ZNF442: variants seen among roughly 807,000 people sequenced by gnomAD.
ZNF442 encodes zinc finger protein 442.
A neutral mutation model predicts 57.0 loss-of-function variants in ZNF442; 45 were observed. The observed-to-expected ratio is 0.79, with a 90% CI of 0.62 to 1.01. ZNF442 has a LOEUF of 1.01. ZNF442 is among the 50% of genes least tolerant of loss of function. The pLI, the probability that ZNF442 is intolerant of heterozygous loss-of-function variation, is 0.00. For missense variants in ZNF442, 690 were observed against 756.5 expected, an observed-to-expected ratio of 0.91 and a Z score of 1.03; for synonymous variants, 213 against 241.8, an observed-to-expected ratio of 0.88 and a Z score of 1.10.
the ZNF442 span, among the ~76,000 whole-genome samples, chr19:12,372,986 A>C: frequency 0.15 from 22,670 of 152,094 alleles, 2,007 homozygotes; most frequent in East Asian, 0.25. Context: ...GTTGGCCAGG[A>C]TGGTCTTGAT....
At chr19:12,362,493 C>G (rs1258314569) in intron 3 of ZNF442, among the ~76,000 whole-genome samples, 3 of 151,470 alleles carry the variant, frequency 2.0e-5, no homozygotes, top group African/African-American at 7.3e-5. Flanking sequence ...GCAGCCGCCC[C>G]GTCTGGGAAG....
intron 3 of ZNF442, among the ~76,000 whole-genome samples, chr19:12,354,453 T>C (rs897693068): frequency 7.2e-5 from 11 of 152,214 alleles, no homozygotes; most frequent in African/African-American, 2.7e-4. Flanking sequence ...AAATCAGAAC[T>C]TTAGTAGTCA....
intron 3 of ZNF442, among the ~76,000 whole-genome samples, chr19:12,356,077 A>C (rs564563425): frequency 9.2e-5 from 14 of 151,790 alleles, no homozygotes; most frequent in African/African-American, 3.4e-4. Context: ...TATTAAAATT[A>C]GGCATAGTGG....
At chr19:12,359,055 G>A (rs1969381053) in intron 3 of ZNF442, among the ~76,000 whole-genome samples, 1 of 152,168 alleles carries the variant, frequency 6.6e-6, no homozygotes, top group Admixed American at 6.5e-5. Context: ...AGGAAGGGGA[G>A]GGATTGGCAA....
chr19:12,351,477 C>A (rs1969237587), intron 5 of ZNF442, among the ~76,000 whole-genome samples, 159 bp from the exon 6 acceptor site: 2 of 152,152 alleles, frequency 1.3e-5, no homozygotes, highest in Admixed American at 6.5e-5. Flanking sequence ...GATAACTCGA[C>A]CCCAGCTGTT....
upstream of ZNF442, among the ~76,000 whole-genome samples, chr19:12,369,766 C>A (rs1440110464): frequency 1.3e-5 from 2 of 151,650 alleles, no homozygotes; most frequent in Non-Finnish European, 2.9e-5. Flanking sequence ...ATTAGCTGGG[C>A]GTGGTGGTGC....
rs1969475166 is a variant in ZNF442 at position 12,363,536 on chromosome 19, G to A, written c.78+18C>T. 3 of 1,611,198 alleles carry A rather than the reference G, an allele frequency of 1.9e-6. No homozygotes were observed. Among genetic ancestry groups the A allele is most frequent in the Non-Finnish European group, 2.5e-6 (3 of 1,177,470 alleles). Reference sequence around the variant, plus strand: ...AGGTTCTTGCACAACTGGAATGAGTGGGTTCTCCAGTGCTTACATATTGTT... The same window carrying A: ...AGGTTCTTGCACAACTGGAATGAGTAGGTTCTCCAGTGCTTACATATTGTT... On this transcript the variant is annotated intron_variant, in intron 3 of 5. Coordinates refer to ENST00000242804, the MANE Select transcript of ZNF442 (RefSeq NM_030824.3).
At position 12,347,981 on chromosome 19, in the gene ZNF442, A is replaced by C. The variant is rs1008743524; in HGVS notation, c.*1720T>G. 2.0e-5 allele frequency: 3 copies of C among 152,230 alleles called. No individual in the cohort carries two copies. The highest frequency in any genetic ancestry group is 2.0e-4 in the Admixed American group (3 of 15,278). 9.4% of individuals were successfully genotyped at this position (152,230 alleles called of 1,614,324 possible). On this transcript the variant is annotated 3_prime_UTR_variant, in exon 6 of 6. Coordinates refer to ENST00000242804, the MANE Select transcript of ZNF442 (RefSeq NM_030824.3). ...AGACTTAGAAGAGGTAATATCAAAG[A>C]TGTGACACTTGAAACATGTGCAGCA... is the stretch of plus-strand genomic sequence containing the variant.
At chr19:12,358,535 C>T (rs939100143) in intron 3 of ZNF442, among the ~76,000 whole-genome samples, 2 of 152,108 alleles carry the variant, frequency 1.3e-5, no homozygotes, top group Admixed American at 1.3e-4. Flanking sequence ...ATTTCTTTTC[C>T]TTTGGATAGA....
intron 3 of ZNF442, among the ~76,000 whole-genome samples, chr19:12,356,742 G>A (rs1969336515): frequency 6.6e-6 from 1 of 151,892 alleles, no homozygotes; most frequent in South Asian, 2.1e-4. Flanking sequence ...AGAAAAAAAT[G>A]CTCAACACCA....
Position 12,363,689 on chromosome 19 carries a change from C to A in ZNF442, c.-40-18G>T. On this transcript the variant is annotated intron_variant, in intron 2 of 5. Transcript: ENST00000242804. ...AATGGAAACTGGGGTTGGGGAAGAA[C>A]AAGGTGATTGTCCCAAGGGTTAGCT... 1.3e-6 allele frequency: 2 copies of A among 1,494,782 alleles called. No individual in the cohort carries two copies. Among genetic ancestry groups the A allele is most frequent in the South Asian group, 2.3e-5 (2 of 88,554 alleles). 92.6% of individuals were successfully genotyped at this position (1,494,782 alleles called of 1,614,324 possible).
intron 3 of ZNF442, among the ~76,000 whole-genome samples, chr19:12,353,900 G>A (rs2144821067): frequency 6.6e-6 from 1 of 152,222 alleles, no homozygotes; most frequent in African/African-American, 2.4e-5. Context: ...AGAGACCTGG[G>A]CTAGACACTC....
chr19:12,360,314 GA>G (rs1378050831), intron 3 of ZNF442, among the ~76,000 whole-genome samples: 1 of 152,126 alleles, frequency 6.6e-6, no homozygotes, highest in Non-Finnish European at 1.5e-5. Flanking sequence ...CTCAAACAGG[GA>G]ATCACCCCAA....
the ZNF442 span, among the ~76,000 whole-genome samples, chr19:12,372,145 A>G: frequency 6.6e-6 from 1 of 152,198 alleles, no homozygotes; most frequent in Admixed American, 6.5e-5. Flanking sequence ...ACATGAATAG[A>G]CATTTTTCCA....
chr19:12,372,970 C>T, the ZNF442 span, among the ~76,000 whole-genome samples: 1 of 152,170 alleles, frequency 6.6e-6, no homozygotes, highest in Non-Finnish European at 1.5e-5. Flanking sequence ...GACAGGGTTT[C>T]ACCATGTTGG....
At chr19:12,351,914 TG>T in intron 5 of ZNF442, 95 bp downstream of exon 5, 1 of 1,096,932 alleles carries the variant, frequency 9.1e-7, no homozygotes, top group Middle Eastern at 2.1e-4. Flanking sequence ...AAGTTTGTAC[TG>T]GGCTCGTTCA....
intron 3 of ZNF442, among the ~76,000 whole-genome samples, chr19:12,360,521 T>C (rs1354031225): frequency 6.6e-6 from 1 of 152,252 alleles, no homozygotes; most frequent in Non-Finnish European, 1.5e-5. Context: ...CTCCCATGCC[T>C]TACATGGAAA....
Position 12,352,061 on chromosome 19 carries a change from C to T in ZNF442, c.215G>A (p.Trp72Ter), listed in dbSNP as rs1329058757. 17 of 1,613,346 alleles carry T rather than the reference C, an allele frequency of 1.1e-5. No individual in the cohort carries two copies. Among genetic ancestry groups the T allele is most frequent in the Non-Finnish European group, 1.4e-5 (17 of 1,179,752 alleles). The part of the protein sequence containing the change: ...IRNLDCIGMK[W>*]EDTNIEDQHR... ...CTGATCTTCAATGTTTGTGTCTTCCCATTTCATTCCTAAAAGGTGGACACA... is the reference window on the plus strand; with the variant it reads ...CTGATCTTCAATGTTTGTGTCTTCCTATTTCATTCCTAAAAGGTGGACACA... The change falls in exon 5 of 6, where the codon TGG (tryptophan) becomes TAG (stop). Residue 72 changes from tryptophan to a stop codon, truncating the protein, a stop_gained. Transcript: ENST00000242804. LOFTEE classifies it high-confidence loss of function.
intron 4 of ZNF442, 58 bp from the exon 5 acceptor site, chr19:12,352,128 C>G (rs1969249744): frequency 6.6e-7 from 1 of 1,518,480 alleles, no homozygotes; most frequent in Non-Finnish European, 9.0e-7. Flanking sequence ...AAAAACACTA[C>G]AAGATTTTAT....
Sources: gnomAD v4.1 joint callset for allele counts (sites outside exome capture counted in the v4.1 genomes callset) on GRCh38, gnomAD v4.1.1 for gene constraint, MANE v1.5 for transcripts, NCBI Gene and HGNC (gene_info 2026-07-23, HGNC 2026-07-21) for gene names.